Variants in RBFOX2 observed in about 807,000 individuals in gnomAD.
RBFOX2 encodes RNA binding fox-1 homolog 2, also known as RNA binding protein fox-1 homolog 2.
A neutral mutation model predicts 49.1 loss-of-function variants in RBFOX2; 10 were observed. The ratio of observed to expected loss-of-function variants is 0.20; its 90% confidence interval spans 0.13 to 0.35. RBFOX2 has a LOEUF of 0.35. Among genes scored for constraint, RBFOX2 ranks in the 10% least tolerant of loss-of-function variants. RBFOX2 has a pLI of 1.00. For synonymous variants in RBFOX2, 183 were observed against 187.4 expected (o/e 0.98, Z 0.19); for missense variants, 323 against 486.9 (o/e 0.66, Z 3.17).
chr22:35,745,953 G>A, exon 11 of RBFOX2: 2 of 1,614,032 alleles, frequency 1.2e-6, no homozygotes, highest in Non-Finnish European at 1.7e-6. Context: ...TAGCGGCAGG[G>A]GCAAGGGCAT....
chr22:35,816,160 T>C (rs1185974615), intron 1 of RBFOX2, among the ~76,000 whole-genome samples: 1 of 152,196 alleles, frequency 6.6e-6, no homozygotes. Flanking sequence ...ACAATGCTCA[T>C]TTGCAAGACT....
At chr22:35,752,513 G>T in intron 9 of RBFOX2, 1 of 677,674 alleles carries the variant, frequency 1.5e-6, no homozygotes, top group Non-Finnish European at 1.8e-6. Context: ...AAAAGCCTCT[G>T]TTCCCATCTC....
intron 1 of RBFOX2, among the ~76,000 whole-genome samples, chr22:35,869,777 T>C (rs2044143091): frequency 6.6e-6 from 1 of 152,228 alleles, no homozygotes; most frequent in South Asian, 2.1e-4. Flanking sequence ...ATACTTCTAC[T>C]GCAGACTTAC....
At chr22:35,948,565 G>C (rs2054573189) in intron 1 of RBFOX2, among the ~76,000 whole-genome samples, 1 of 151,986 alleles carries the variant, frequency 6.6e-6, no homozygotes, top group Non-Finnish European at 1.5e-5. Context: ...CACACCTGTG[G>C]TCCCAGCTAC....
chr22:36,025,323 C>T (rs540830449), intron 1 of RBFOX2, among the ~76,000 whole-genome samples: 152 of 152,262 alleles, frequency 1.0e-3, no homozygotes, highest in Admixed American at 2.2e-3. Context: ...GGCCCATTAC[C>T]TCACTTCACT....
intron 1 of RBFOX2, among the ~76,000 whole-genome samples, chr22:35,915,749 G>A (rs980330780): frequency 2.0e-5 from 3 of 152,088 alleles, no homozygotes; most frequent in South Asian, 2.1e-4. Context: ...ACCTTAATAC[G>A]GCACCAGAAA....
chr22:35,985,584 A>C (rs746888978), intron 1 of RBFOX2, among the ~76,000 whole-genome samples: 2 of 152,210 alleles, frequency 1.3e-5, no homozygotes, highest in African/African-American at 4.8e-5. Context: ...GGCCTTTAAA[A>C]TACTGTGTTA....
intron 1 of RBFOX2, among the ~76,000 whole-genome samples, chr22:35,945,890 T>G (rs1469092725): frequency 2.0e-5 from 3 of 152,188 alleles, no homozygotes; most frequent in Non-Finnish European, 4.4e-5. Context: ...AACTGTTAAC[T>G]AGTAAACTAA....
At chr22:35,970,531 T>G (rs1454584478) in intron 1 of RBFOX2, among the ~76,000 whole-genome samples, 1 of 150,790 alleles carries the variant, frequency 6.6e-6, no homozygotes, top group Non-Finnish European at 1.5e-5. Context: ...CATGCTGGCA[T>G]GTACCTGTAG....
At chr22:35,839,406 A>C (rs1023366173) in intron 1 of RBFOX2, among the ~76,000 whole-genome samples, 8 of 143,768 alleles carry the variant, frequency 5.6e-5, no homozygotes, top group Non-Finnish European at 9.1e-5. Context: ...AAGGATGAGG[A>C]GAGAAAGGGG....
exon 1 of RBFOX2, chr22:36,028,488 C>T (rs1390116739): frequency 1.8e-6 from 2 of 1,108,518 alleles, no homozygotes; most frequent in Non-Finnish European, 2.2e-6. Context: ...TCCCCCTGGG[C>T]CTCGGCCCCG....
intron 1 of RBFOX2, among the ~76,000 whole-genome samples, chr22:35,931,871 G>A (rs986159516): frequency 4.6e-5 from 7 of 152,176 alleles, no homozygotes; most frequent in Non-Finnish European, 7.3e-5. Context: ...CCATTAGTGG[G>A]TCCAGGAAAA....
chr22:35,897,227 CA>C, intron 1 of RBFOX2: 1 of 1,256,964 alleles, frequency 8.0e-7, no homozygotes, highest in Non-Finnish European at 1.1e-6. Context: ...CGGGCTGACC[CA>C]AAAGACACCA....
At chr22:36,001,811 C>T (rs1472433483) in intron 1 of RBFOX2, among the ~76,000 whole-genome samples, 2 of 151,926 alleles carry the variant, frequency 1.3e-5, no homozygotes, top group African/African-American at 4.8e-5. Flanking sequence ...CGCCTGTAAT[C>T]CCAGCACTTT....
At chr22:36,024,748 G>GA (rs375304086) in intron 1 of RBFOX2, among the ~76,000 whole-genome samples, 32 of 150,962 alleles carry the variant, frequency 2.1e-4, no homozygotes, top group African/African-American at 6.8e-4. Flanking sequence ...CAAAAAAAAA[G>GA]AAAAAAAAGA....
intron 1 of RBFOX2, among the ~76,000 whole-genome samples, chr22:35,876,227 A>T (rs748661488): frequency 6.6e-5 from 10 of 152,046 alleles, no homozygotes; most frequent in South Asian, 2.1e-4. Context: ...CATTTTTAAA[A>T]TTTTTTTATT....
At chr22:35,958,428 T>C (rs2055834762) in intron 1 of RBFOX2, among the ~76,000 whole-genome samples, 1 of 152,310 alleles carries the variant, frequency 6.6e-6, no homozygotes, top group South Asian at 2.1e-4. Context: ...ATGCTTTGAG[T>C]TCACAATCCT....
chr22:35,937,081 G>C (rs1055368870), intron 1 of RBFOX2, among the ~76,000 whole-genome samples: 1 of 152,312 alleles, frequency 6.6e-6, no homozygotes, highest in Non-Finnish European at 1.5e-5. Flanking sequence ...GCAGCCCATA[G>C]GACTGTAGTT....
At chr22:35,941,911 C>T (rs886931094), upstream of RBFOX2, among the ~76,000 whole-genome samples, 1 of 152,152 alleles carries the variant, frequency 6.6e-6, no homozygotes, top group African/African-American at 2.4e-5. Flanking sequence ...CTCTCAAGCC[C>T]TCCCTGTATA....
Sources: gnomAD v4.1 joint callset for allele counts (sites outside exome capture counted in the v4.1 genomes callset) on GRCh38, gnomAD v4.1.1 for gene constraint, MANE v1.5 for transcripts, NCBI Gene and HGNC (gene_info 2026-07-23, HGNC 2026-07-21) for gene names.